The following LOC112694756 variants were observed in gnomAD, a reference collection of about 807,000 sequenced individuals.
At chr16:30,058,329 A>C in the LOC112694756 span, among the ~76,000 whole-genome samples, 1 of 152,120 alleles carries the variant, frequency 6.6e-6, no homozygotes, top group Admixed American at 6.6e-5. Context: ...GAAGGTTACA[A>C]ATGTCTTGCC....
chr16:30,070,101 C>G, the LOC112694756 span: 2 of 1,613,868 alleles, frequency 1.2e-6, no homozygotes, highest in East Asian at 4.5e-5. Flanking sequence ...CTCACTCCAC[C>G]CCTCTCCCTG....
chr16:30,068,931 A>G, the LOC112694756 span: 1 of 1,614,240 alleles, frequency 6.2e-7, no homozygotes, highest in Non-Finnish European at 8.5e-7. Flanking sequence ...CCTCGCCATC[A>G]TGGAAAATGC....
chr16:30,060,044 T>C, the LOC112694756 span, among the ~76,000 whole-genome samples: 2 of 152,044 alleles, frequency 1.3e-5, no homozygotes, highest in African/African-American at 4.8e-5. Flanking sequence ...AGTAAAACAA[T>C]CTCGGCTCAC....
the LOC112694756 span, among the ~76,000 whole-genome samples, chr16:30,061,548 CTTTTTTTTTTTTTTTTT>C: frequency 9.1e-5 from 6 of 65,624 alleles, no homozygotes; most frequent in Non-Finnish European, 8.6e-5. Context: ...CCTCCATTTC[CTTTTTTTTTTTTTTTTT>C]TTTTTTTTTT....
chr16:30,066,505 G>A, the LOC112694756 span, among the ~76,000 whole-genome samples: 1 of 152,212 alleles, frequency 6.6e-6, no homozygotes, highest in African/African-American at 2.4e-5. Flanking sequence ...AGTGACGATG[G>A]CAAAGCTTAC....
At chr16:30,055,413 T>C in the LOC112694756 span, 2 of 398,912 alleles carry the variant, frequency 5.0e-6, no homozygotes, top group Non-Finnish European at 8.8e-6. Flanking sequence ...CAACATTTAT[T>C]ACTGAGCACC....
chr16:30,055,692 C>T, the LOC112694756 span, among the ~76,000 whole-genome samples: 9 of 152,110 alleles, frequency 5.9e-5, no homozygotes, highest in African/African-American at 1.7e-4. Context: ...GGCCTCTTTA[C>T]GGACCTTTGT....
At chr16:30,058,271 A>C in the LOC112694756 span, among the ~76,000 whole-genome samples, 1 of 152,152 alleles carries the variant, frequency 6.6e-6, no homozygotes, top group Non-Finnish European at 1.5e-5. Flanking sequence ...CTTTCCACAA[A>C]GTATATTTAA....
chr16:30,059,723 C>G, the LOC112694756 span, among the ~76,000 whole-genome samples: 2 of 151,306 alleles, frequency 1.3e-5, no homozygotes, highest in African/African-American at 4.9e-5. Flanking sequence ...CCACCATGCC[C>G]GGCTAAAGTT....
the LOC112694756 span, chr16:30,068,454 C>T: frequency 2.6e-5 from 18 of 679,846 alleles, no homozygotes; most frequent in Non-Finnish European, 4.9e-5. Context: ...TGGGGGAAGA[C>T]TGGGGCTAAA....
chr16:30,067,925 C>T, the LOC112694756 span: 1 of 537,700 alleles, frequency 1.9e-6, no homozygotes, highest in South Asian at 2.1e-5. Flanking sequence ...AGTCTGACAC[C>T]CAATTCACTC....
chr16:30,064,019 G>T, the LOC112694756 span: 2 of 398,672 alleles, frequency 5.0e-6, no homozygotes, highest in Non-Finnish European at 8.8e-6. Flanking sequence ...ACTCTTGGCC[G>T]GCTGGACGGC....
the LOC112694756 span, among the ~76,000 whole-genome samples, chr16:30,059,390 C>T: frequency 6.6e-5 from 10 of 151,616 alleles, no homozygotes; most frequent in East Asian, 5.9e-4. Context: ...CCCAGCTACT[C>T]GGGAGGCTGA....
chr16:30,065,019 G>A, the LOC112694756 span, among the ~76,000 whole-genome samples: 5 of 152,268 alleles, frequency 3.3e-5, no homozygotes, highest in African/African-American at 1.2e-4. Context: ...AGCGGCCGGT[G>A]CATAGCCGCG....
the LOC112694756 span, chr16:30,068,992 T>C: frequency 1.2e-6 from 2 of 1,614,162 alleles, no homozygotes. Flanking sequence ...GGCCTGCAGG[T>C]CCTCAATAGG....
the LOC112694756 span, chr16:30,070,100 C>G: frequency 6.2e-7 from 1 of 1,613,896 alleles, no homozygotes; most frequent in Admixed American, 1.7e-5. Context: ...TCTCACTCCA[C>G]CCCTCTCCCT....
chr16:30,066,839 C>G, the LOC112694756 span: 1 of 1,525,716 alleles, frequency 6.6e-7, no homozygotes. Context: ...CTGCTTGATT[C>G]ACGATCTTTA....
chr16:30,066,752 G>C, the LOC112694756 span: 1 of 970,432 alleles, frequency 1.0e-6, no homozygotes, highest in Non-Finnish European at 1.5e-6. Flanking sequence ...CTCAGATCTG[G>C]CTCCGGGGTT....
the LOC112694756 span, among the ~76,000 whole-genome samples, chr16:30,062,832 C>G: frequency 6.8e-6 from 1 of 147,398 alleles, no homozygotes; most frequent in African/African-American, 2.5e-5. Context: ...AGGAGTGAAA[C>G]TCCATCTCGG....
Sources: allele counts gnomAD v4.1 joint callset (sites outside exome capture counted in the v4.1 genomes callset), GRCh38; gene constraint gnomAD v4.1.1; transcripts MANE v1.5.